LRRIQ3: variants seen among roughly 807,000 people sequenced by gnomAD.
LRRIQ3 encodes the protein leucine rich repeats and IQ motif containing 3.
A neutral mutation model predicts 59.3 loss-of-function variants in LRRIQ3; 75 were observed. The ratio of observed to expected loss-of-function variants is 1.26; its 90% CI spans 1.05 to 1.53. The LOEUF (loss-of-function observed/expected upper bound fraction) is 1.53, where lower values mean the gene tolerates loss of function less well. Ranked by LOEUF, LRRIQ3 falls within the 40% of genes most tolerant of loss-of-function variation. The probability of loss-of-function intolerance (pLI) is 0.00; values close to 1 mark genes in which losing one functional copy is unlikely to be tolerated. For synonymous variants in LRRIQ3, 250 were observed against 231.3 expected (o/e 1.08, Z -0.73); for missense variants, 831 against 710.0 (o/e 1.17, Z -1.94).
chr1:74,097,118 T>C (rs985698900), intron 5 of LRRIQ3, among the ~76,000 whole-genome samples: 1 of 152,070 alleles, frequency 6.6e-6, no homozygotes, highest in Admixed American at 6.6e-5. Context: ...TCTGCTGCCT[T>C]TTGGGGGAAG....
intron 6 of LRRIQ3, among the ~76,000 whole-genome samples, chr1:74,070,035 A>G (rs1442000987): frequency 6.6e-6 from 1 of 152,108 alleles, no homozygotes; most frequent in Non-Finnish European, 1.5e-5. Flanking sequence ...GGGAATGTAA[A>G]TTAGTTCACC....
intron 6 of LRRIQ3, among the ~76,000 whole-genome samples, chr1:74,046,652 T>C (rs1364207152): frequency 6.6e-6 from 1 of 151,946 alleles, no homozygotes; most frequent in Non-Finnish European, 1.5e-5. Flanking sequence ...ATCATCAGAG[T>C]GAACAGGCAA....
chr1:74,184,428 T>C (rs1205456880), intron 1 of LRRIQ3, among the ~76,000 whole-genome samples: 2 of 152,242 alleles, frequency 1.3e-5, no homozygotes, highest in African/African-American at 2.4e-5. Context: ...GAAGAGAATG[T>C]ATGAGCTGAA....
At chr1:74,168,522 T>G (rs1432888478) in intron 3 of LRRIQ3, among the ~76,000 whole-genome samples, 1 of 152,084 alleles carries the variant, frequency 6.6e-6, no homozygotes, top group Non-Finnish European at 1.5e-5. Flanking sequence ...GAATAAAGTT[T>G]TGAAGCCCAA....
intron 4 of LRRIQ3, among the ~76,000 whole-genome samples, chr1:74,113,581 T>C (rs1646733835): frequency 6.6e-6 from 1 of 151,972 alleles, no homozygotes; most frequent in South Asian, 2.1e-4. Context: ...GGCTCTCTTA[T>C]GAGAAACAAT....
At chr1:74,103,047 G>T (rs1351622490) in intron 5 of LRRIQ3, among the ~76,000 whole-genome samples, 1 of 151,790 alleles carries the variant, frequency 6.6e-6, no homozygotes, top group Non-Finnish European at 1.5e-5. Context: ...AGATTCTTCT[G>T]ACAAATATCT....
chr1:74,078,922 G>T (rs1282614143), intron 5 of LRRIQ3, among the ~76,000 whole-genome samples: 1 of 151,744 alleles, frequency 6.6e-6, no homozygotes, highest in African/African-American at 2.4e-5. Flanking sequence ...CTTAGAATTT[G>T]TTATTTAACC....
At chr1:74,180,957 GTTTTAT>G in intron 3 of LRRIQ3, 1 of 671,866 alleles carries the variant, frequency 1.5e-6, no homozygotes. Flanking sequence ...TGGTTGTTTA[GTTTTAT>G]TTTTGTTTCC....
At chr1:74,133,297 G>A (rs982640282) in intron 4 of LRRIQ3, among the ~76,000 whole-genome samples, 5 of 152,052 alleles carry the variant, frequency 3.3e-5, no homozygotes, top group African/African-American at 7.2e-5. Flanking sequence ...TGTGGAAGAC[G>A]GTGTAGCGAT....
At chr1:74,196,720 T>G (rs920742700) in intron 1 of LRRIQ3, among the ~76,000 whole-genome samples, 3 of 152,198 alleles carry the variant, frequency 2.0e-5, no homozygotes, top group Non-Finnish European at 2.9e-5. Context: ...CAGCACATTT[T>G]ATTGTTTTTG....
chr1:74,146,310 A>G (rs187175297), intron 4 of LRRIQ3, among the ~76,000 whole-genome samples: 84 of 152,302 alleles, frequency 5.5e-4, no homozygotes, highest in African/African-American at 1.9e-3. Context: ...ATCATATACA[A>G]TGTTAGTGTA....
intron 6 of LRRIQ3, among the ~76,000 whole-genome samples, chr1:74,054,739 A>AATATAT (rs143015235): frequency 0.079 from 11,129 of 141,520 alleles, 496 homozygotes; most frequent in African/African-American, 0.11. Context: ...AGAAAACACA[A>AATATAT]ATATATATAT....
rs1420083028 is a variant in LRRIQ3, at chr1:74,105,623, T to A, written c.867+3771A>T. On this transcript the variant is annotated intron_variant, in intron 5 of 7. Coordinates refer to ENST00000354431, the MANE Select transcript of LRRIQ3 (RefSeq NM_001105659.2). ...TTATTAAAATTATAATAGATTTAAA[T>A]ACAAACAGCTCATCAGATTTAAAAA... Among the ~76,000 whole-genome samples, 4 of 151,958 alleles carry A rather than the reference T, an allele frequency of 2.6e-5. No individual in the cohort carries two copies. In the East Asian group the frequency reaches 7.7e-4, roughly 29 times the overall value.
At chr1:74,121,311 C>A (rs1051641318) in intron 4 of LRRIQ3, among the ~76,000 whole-genome samples, 2 of 152,092 alleles carry the variant, frequency 1.3e-5, no homozygotes, top group African/African-American at 4.8e-5. Flanking sequence ...CATGTCATGG[C>A]AAACAAAGAA....
chr1:74,158,115 T>A lies in LRRIQ3; in HGVS notation c.574-2249A>T, dbSNP rs1648449112. 2.6e-5 allele frequency among the ~76,000 whole-genome samples: 4 copies of A among 152,150 alleles called. 1 individual carries two copies. The East Asian group carries it at 7.8e-4, about 29-fold the overall frequency. ...ACATTCAACATCCCAAATATCAGTC[T>A]TACCTCTCTTTTTCTTCTATTTTCT... On this transcript the variant is annotated intron_variant, in intron 3 of 7. Coordinates refer to ENST00000354431, the MANE Select transcript of LRRIQ3 (RefSeq NM_001105659.2).
chr1:74,151,635 A>G (rs1342733669), intron 4 of LRRIQ3, among the ~76,000 whole-genome samples: 1 of 152,172 alleles, frequency 6.6e-6, no homozygotes, highest in Non-Finnish European at 1.5e-5. Flanking sequence ...CAATAAATAA[A>G]AAGTCTATGG....
At chr1:74,071,806 C>T (rs377083925) in intron 6 of LRRIQ3, among the ~76,000 whole-genome samples, 1 of 152,220 alleles carries the variant, frequency 6.6e-6, no homozygotes, top group East Asian at 1.9e-4. Flanking sequence ...CTAACTCAGA[C>T]TCTCTGGGGC....
rs144311929 is a variant in LRRIQ3 at position 74,121,421 on chromosome 1, C to T, written c.708-11868G>A. Among the ~76,000 whole-genome samples the T allele has an allele frequency of 4.1e-3, 626 of 152,252 alleles. 5 individuals carry two copies. Among genetic ancestry groups the T allele is most frequent in the African/African-American group, 0.012 (497 of 41,578 alleles). Reference sequence around the variant, plus strand: ...GAGGATTACGGCTGCCCTAGGCTTGCGCTGACTGCTGAACCATAACCCCTT... The same window carrying T: ...GAGGATTACGGCTGCCCTAGGCTTGTGCTGACTGCTGAACCATAACCCCTT... On this transcript the variant is annotated intron_variant, in intron 4 of 7. Transcript: ENST00000354431.
chr1:74,156,539 C>A (rs914254273), intron 3 of LRRIQ3, among the ~76,000 whole-genome samples: 1 of 152,046 alleles, frequency 6.6e-6, no homozygotes, highest in Non-Finnish European at 1.5e-5. Flanking sequence ...TTTTCCCAAT[C>A]TGATAATATA....
Sources: gnomAD v4.1 joint callset for allele counts (sites outside exome capture counted in the v4.1 genomes callset) on GRCh38, gnomAD v4.1.1 for gene constraint, MANE v1.5 for transcripts, NCBI Gene and HGNC (gene_info 2026-07-23, HGNC 2026-07-21) for gene names.